FYB1: variants seen among roughly 807,000 people sequenced by gnomAD.
FYB1 encodes FYN binding protein 1.
Under a neutral mutation model 94.1 loss-of-function variants are expected in FYB1, and 41 were observed. That is an observed-to-expected ratio of 0.44 (90% CI 0.34 to 0.57). FYB1 has a LOEUF of 0.57. Among genes scored for constraint, FYB1 ranks in the 20% least tolerant of loss-of-function variants. The pLI is 0.02. For synonymous variants in FYB1, 367 were observed against 353.2 expected, an observed-to-expected ratio of 1.04 and a Z score of -0.44; for missense variants, 1,050 against 976.8, an observed-to-expected ratio of 1.07 and a Z score of -1.00.
At position 39,257,875 on chromosome 5, in the gene FYB1, A is replaced by G. The variant is rs574897555; in HGVS notation, c.-28+16528T>C. Among the ~76,000 whole-genome samples, 20 of 152,142 alleles carry G rather than the reference A, an allele frequency of 1.3e-4. No homozygotes were observed. The South Asian group carries it at 4.2e-3, about 32-fold the overall frequency. On this transcript the variant is annotated intron_variant, in intron 1 of 1. Transcript: ENST00000510188. Reference sequence around the variant, plus strand: ...AAATCTCTGGGCTTGGCACTCAAACAGCTGCATACTTTAAAATTCAACAGG... The same window carrying G: ...AAATCTCTGGGCTTGGCACTCAAACGGCTGCATACTTTAAAATTCAACAGG...
At chr5:39,135,666 G>A (rs1195315628) in intron 7 of FYB1, among the ~76,000 whole-genome samples, 3 of 152,136 alleles carry the variant, frequency 2.0e-5, no homozygotes, top group Non-Finnish European at 4.4e-5. Context: ...AAATATGCAT[G>A]ACGACTTTTG....
intron 2 of FYB1, among the ~76,000 whole-genome samples, chr5:39,179,548 CTTTTTTT>C (rs11405241): frequency 2.1e-5 from 3 of 139,622 alleles, no homozygotes; most frequent in African/African-American, 7.8e-5. Context: ...CTTCTTTTTT[CTTTTTTT>C]TTTTTTTTGA....
chr5:39,125,620 G>T (rs1210462167), intron 12 of FYB1, among the ~76,000 whole-genome samples: 1 of 152,098 alleles, frequency 6.6e-6, no homozygotes, highest in African/African-American at 2.4e-5. Context: ...CATTGGAATT[G>T]TGAGTTTTCA....
intron 2 of FYB1, among the ~76,000 whole-genome samples, chr5:39,163,192 T>C (rs1269824103): frequency 6.6e-6 from 1 of 152,222 alleles, no homozygotes; most frequent in African/African-American, 2.4e-5. Context: ...TCTGCTCTTA[T>C]CTTCAAAGGA....
At chr5:39,169,395 A>G (rs979703885) in intron 2 of FYB1, 3 of 756,288 alleles carry the variant, frequency 4.0e-6, no homozygotes, top group Non-Finnish European at 7.4e-6. Context: ...TTTTCCGTAC[A>G]TTCCTGCCAG....
rs758290287 is a variant in FYB1, at chr5:39,135,024, GA to G, written c.1516-11del. ...GAATAGGGCCTGTTAGCTGCAAAGA[GA>G]AAAAAATAGTCACAAAAGATTTCCT... On this transcript the variant is annotated splice_polypyrimidine_tract_variant and intron_variant, in intron 7 of 18. Transcript: ENST00000512982. 3.7e-6 allele frequency: 6 copies of G among 1,603,620 alleles called. No homozygotes were observed. In the African/African-American group the frequency reaches 6.7e-5, roughly 18 times the overall value.
chr5:39,193,008 G>C (rs1747499013), intron 2 of FYB1, among the ~76,000 whole-genome samples: 1 of 150,528 alleles, frequency 6.6e-6, no homozygotes, highest in African/African-American at 2.4e-5. Context: ...ACACAATGAT[G>C]GCCCTCAAGG....
intron 16 of FYB1, among the ~76,000 whole-genome samples, chr5:39,114,211 A>G (rs1293399885): frequency 2.0e-5 from 3 of 152,174 alleles, no homozygotes; most frequent in Non-Finnish European, 4.4e-5. Flanking sequence ...AATTTTTTTC[A>G]GTGACAGGAG....
At chr5:39,179,304 A>G (rs372756686) in intron 2 of FYB1, among the ~76,000 whole-genome samples, 34 of 152,118 alleles carry the variant, frequency 2.2e-4, no homozygotes, top group African/African-American at 7.2e-4. Context: ...ACCACTGTGC[A>G]CTCCTCCAGA....
intron 4 of FYB1, among the ~76,000 whole-genome samples, chr5:39,140,435 A>G (rs568706335): frequency 1.4e-4 from 21 of 152,238 alleles, no homozygotes; most frequent in Non-Finnish European, 3.1e-4. Flanking sequence ...ATATAATTTG[A>G]TTCACATAAG....
At position 39,122,330 on chromosome 5, in the gene FYB1, A is replaced by C; in HGVS notation, c.2138+6T>G. 6.5e-7 allele frequency: 1 copy of C among 1,531,198 alleles called. No individual in the cohort carries two copies. The highest frequency in any genetic ancestry group is 8.9e-7 in the Non-Finnish European group (1 of 1,121,146). 94.9% of individuals were successfully genotyped at this position (1,531,198 alleles called of 1,614,324 possible). On this transcript the variant is annotated splice_donor_region_variant and intron_variant, in intron 14 of 18. Coordinates refer to ENST00000512982, the MANE Select transcript of FYB1 (RefSeq NM_001465.6). ...TACTTCATTGTAATGAAAGCATTTTAATTACCTCATCTCTGCTGATGAAAC... is the reference window on the plus strand; with the variant it reads ...TACTTCATTGTAATGAAAGCATTTTCATTACCTCATCTCTGCTGATGAAAC...
chr5:39,140,816 C>T (rs1336834498), intron 4 of FYB1, among the ~76,000 whole-genome samples: 3 of 148,902 alleles, frequency 2.0e-5, no homozygotes, highest in African/African-American at 7.8e-5. Flanking sequence ...ATAACATACT[C>T]TTTCTGTGAA....
chr5:39,256,975 C>T (rs1232214349), intron 1 of FYB1, among the ~76,000 whole-genome samples: 1 of 152,192 alleles, frequency 6.6e-6, no homozygotes, highest in African/African-American at 2.4e-5. Flanking sequence ...AGTTCAGCCT[C>T]CCAAACATCT....
At chr5:39,263,508 G>A (rs1752312135) in intron 1 of FYB1, among the ~76,000 whole-genome samples, 1 of 151,936 alleles carries the variant, frequency 6.6e-6, no homozygotes, top group South Asian at 2.1e-4. Context: ...CTATCACTCA[G>A]GACTATGATT....
chr5:39,107,579 A>T, intron 18 of FYB1, 114 bp from the exon 19 acceptor site: 1 of 536,306 alleles, frequency 1.9e-6, no homozygotes, highest in Non-Finnish European at 3.1e-6. Flanking sequence ...TAAAAAAAAT[A>T]GAACTGGCTC....
intron 1 of FYB1, among the ~76,000 whole-genome samples, chr5:39,236,985 C>T (rs532500267): frequency 6.6e-6 from 1 of 152,172 alleles, no homozygotes; most frequent in South Asian, 2.1e-4. Context: ...CTGGAAGTTG[C>T]ACAAATATAA....
intron 15 of FYB1, among the ~76,000 whole-genome samples, 154 bp downstream of exon 15, chr5:39,119,381 C>T (rs942405869): frequency 6.6e-5 from 10 of 151,846 alleles, no homozygotes; most frequent in South Asian, 2.1e-4. Context: ...AGAGTTATAA[C>T]GGCTAACTGT....
rs567716663 is a variant in FYB1 at position 39,166,509 on chromosome 5, A to G, written c.1136-12905T>C. ...CCTGCACTTGTATGTTTATCACAGTACTATTCACAATAGCAAAGTCATAGA... is the reference window on the plus strand; with the variant it reads ...CCTGCACTTGTATGTTTATCACAGTGCTATTCACAATAGCAAAGTCATAGA... On this transcript the variant is annotated intron_variant, in intron 2 of 18. Coordinates refer to ENST00000512982, the MANE Select transcript of FYB1 (RefSeq NM_001465.6). Among the ~76,000 whole-genome samples, 19 of 152,256 alleles carry G rather than the reference A, an allele frequency of 1.2e-4. 1 individual carries two copies. The Middle Eastern group carries it at 0.01, about 82-fold the overall frequency.
chr5:39,263,375 ATT>A (rs569609269), intron 1 of FYB1, among the ~76,000 whole-genome samples: 1 of 147,656 alleles, frequency 6.8e-6, no homozygotes, highest in African/African-American at 2.5e-5. Flanking sequence ...ATAGTACAGG[ATT>A]TTTTTTTTTT....
Sources: gnomAD v4.1 joint callset for allele counts (sites outside exome capture counted in the v4.1 genomes callset) on GRCh38, gnomAD v4.1.1 for gene constraint, MANE v1.5 for transcripts, NCBI Gene and HGNC (gene_info 2026-07-23, HGNC 2026-07-21) for gene names.